MGAM: variants seen among roughly 807,000 people sequenced by gnomAD.
MGAM encodes maltase-glucoamylase.
Under a neutral mutation model 358.8 loss-of-function variants are expected in MGAM, and 253 were observed. That is an observed-to-expected ratio of 0.71 (90% CI 0.64 to 0.78). The LOEUF (loss-of-function observed/expected upper bound fraction) is 0.78. Among genes scored for constraint, MGAM ranks in the 30% least tolerant of loss-of-function variants. MGAM has a pLI of 0.00. For missense variants in MGAM, 3,080 were observed against 3,432.6 expected (o/e 0.90, Z 2.57); for synonymous variants, 1,105 against 1,227.1 (o/e 0.90, Z 2.08).
At chr7:141,998,297 G>T (rs1012257766) in intron 1 of MGAM, among the ~76,000 whole-genome samples, 30 of 152,154 alleles carry the variant, frequency 2.0e-4, no homozygotes, top group Non-Finnish European at 4.1e-4. Flanking sequence ...GTGCAGGTTC[G>T]TTACATGGGT....
Position 142,103,317 on chromosome 7 carries a change from A to G in MGAM, c.8062A>G (p.Asn2688Asp), listed in dbSNP as rs1298258349. ...TTTCAACAATTACATCACTGGTACAAATCCTTTGAAACTGGGCTACATTGA... is the reference window on the plus strand; with the variant it reads ...TTTCAACAATTACATCACTGGTACAGATCCTTTGAAACTGGGCTACATTGA... ...IIFNNYITGT[N>D]PLKLGYIEIW... Residue 2688 changes from asparagine (N) to aspartate (D), a missense_variant, in exon 70 of 71, where the codon AAT becomes GAT. Coordinates refer to ENST00000475668, the MANE Select transcript of MGAM (RefSeq NM_001365693.1). 1 of 1,612,962 alleles carries G rather than the reference A, an allele frequency of 6.2e-7. No individual in the cohort carries two copies. Among genetic ancestry groups the G allele is most frequent in the African/African-American group, 1.3e-5 (1 of 75,016 alleles).
chr7:142,017,500 A>G (rs1466206322), intron 3 of MGAM, among the ~76,000 whole-genome samples: 1 of 152,182 alleles, frequency 6.6e-6, no homozygotes, highest in African/African-American at 2.4e-5. Flanking sequence ...GACTGTTTGC[A>G]TTCCTTGCTC....
intron 44 of MGAM, among the ~76,000 whole-genome samples, chr7:142,071,394 A>C (rs1020234299): frequency 2.0e-5 from 3 of 146,754 alleles, no homozygotes; most frequent in African/African-American, 7.3e-5. Flanking sequence ...AAATAAGAGC[A>C]ACCACAATTC....
intron 65 of MGAM, among the ~76,000 whole-genome samples, chr7:142,097,153 G>A (rs567859435): frequency 1.3e-5 from 2 of 151,914 alleles, no homozygotes; most frequent in South Asian, 4.2e-4. Flanking sequence ...TAGTCAGGAT[G>A]GTCTTGATCT....
intron 57 of MGAM, among the ~76,000 whole-genome samples, chr7:142,087,867 C>A (rs1167290775): frequency 6.8e-6 from 1 of 146,448 alleles, no homozygotes; most frequent in Non-Finnish European, 1.5e-5. Context: ...GGGGCAAAGA[C>A]CTCTTTTGGG....
rs1813284831 is a variant in MGAM, at chr7:142,070,869, G to A, written c.5062-125G>A. On this transcript the variant is annotated intron_variant, in intron 43 of 70. Coordinates refer to ENST00000475668, the MANE Select transcript of MGAM (RefSeq NM_001365693.1). ...GCGAATGCAGAATGGGTAATAGCAG[G>A]TATGTTGCAAAGGGTGATGAACAGG... The A allele has an allele frequency of 1.1e-5, 14 of 1,273,924 alleles. 1 individual carries two copies. The Admixed American group carries it at 2.6e-4, about 23-fold the overall frequency. 78.9% of individuals were successfully genotyped at this position (1,273,924 alleles called of 1,614,324 possible).
intron 2 of MGAM, among the ~76,000 whole-genome samples, chr7:142,006,809 C>A (rs1278986729): frequency 6.6e-6 from 1 of 152,130 alleles, no homozygotes; most frequent in African/African-American, 2.4e-5. Context: ...ATTGAGACAT[C>A]TGTGGTTTTG....
chr7:142,084,311 C>A lies in MGAM; in HGVS notation c.6382-208C>A, dbSNP rs748462454. 4.8e-5 allele frequency among the ~76,000 whole-genome samples: 7 copies of A among 145,952 alleles called. No individual in the cohort carries two copies. The East Asian group carries it at 6.1e-4, about 13-fold the overall frequency. ...GTCTCTAGGAATGGAGTGAAATCAGCTTTTCCATAATTTTTAAGAAGGAGC... is the reference window on the plus strand; with the variant it reads ...GTCTCTAGGAATGGAGTGAAATCAGATTTTCCATAATTTTTAAGAAGGAGC... On this transcript the variant is annotated intron_variant, in intron 53 of 70. Coordinates refer to ENST00000475668, the MANE Select transcript of MGAM (RefSeq NM_001365693.1).
chr7:142,101,383 A>G (rs1292518336), intron 68 of MGAM, among the ~76,000 whole-genome samples: 3 of 151,482 alleles, frequency 2.0e-5, no homozygotes, highest in African/African-American at 7.3e-5. Context: ...TGCAGTGATG[A>G]CAATGTTCTA....
rs1412362518 is a variant in MGAM, at chr7:142,088,731, G to T, written c.6810+2014G>T. 2.2e-5 allele frequency among the ~76,000 whole-genome samples: 2 copies of T among 89,002 alleles called. 1 individual carries two copies. Among genetic ancestry groups the T allele is most frequent in the South Asian group, 7.2e-4 (2 of 2,792 alleles). The allele number at this position is 89,002 out of a possible 152,430, so 58.4% of individuals were successfully genotyped here. A position where few individuals can be genotyped will look rare whatever the true frequency, so the allele number is the denominator to read the frequency against. On this transcript the variant is annotated intron_variant, in intron 57 of 70. Transcript: ENST00000475668. ...CCACCCTATTCATTTATGTCTGTCT[G>T]TCTGTCTGTCTGTCTGTCTATCTAT...
chr7:142,036,921 C>T lies in MGAM; in HGVS notation c.2175C>T (p.Thr725=). Residue 725 remains threonine, a synonymous_variant, in exon 18 of 71, where the codon ACC becomes ACT. Coordinates refer to ENST00000475668, the MANE Select transcript of MGAM (RefSeq NM_001365693.1). ...IRYTLLPYLY[T]LFFRAHSRGD... is the part of the protein sequence containing the mutation. ...ATACTCTATTGCCCTACCTATACACCCTCTTCTTCCGTGCTCACAGCCGAG... is the reference window on the plus strand; with the variant it reads ...ATACTCTATTGCCCTACCTATACACTCTCTTCTTCCGTGCTCACAGCCGAG... 6.2e-7 allele frequency: 1 copy of T among 1,613,736 alleles called. No individual in the cohort carries two copies. The highest frequency in any genetic ancestry group is 8.5e-7 in the Non-Finnish European group (1 of 1,179,676).
intron 3 of MGAM, 150 bp downstream of exon 3, chr7:142,008,855 T>A: frequency 1.2e-6 from 1 of 817,004 alleles, no homozygotes; most frequent in Non-Finnish European, 1.9e-6. Context: ...AATTAACCTG[T>A]GTCCATGCTT....
chr7:142,088,090 G>GTTCA (rs1814921209), intron 57 of MGAM, among the ~76,000 whole-genome samples: 2 of 146,356 alleles, frequency 1.4e-5, no homozygotes, highest in Admixed American at 1.4e-4. Flanking sequence ...GCCAGGGACT[G>GTTCA]AGGCCTGGCA....
At chr7:142,089,915 A>T (rs1815206618) in intron 57 of MGAM, among the ~76,000 whole-genome samples, 1 of 146,660 alleles carries the variant, frequency 6.8e-6, no homozygotes, top group African/African-American at 2.4e-5. Context: ...GAAGCCACTG[A>T]TGTCCAGGTC....
intron 10 of MGAM, among the ~76,000 whole-genome samples, chr7:142,029,701 G>A (rs148246491): frequency 6.6e-5 from 10 of 152,232 alleles, no homozygotes; most frequent in Admixed American, 4.6e-4. Context: ...TACTTTGAAT[G>A]GCTAAGTTTG....
intron 21 of MGAM, among the ~76,000 whole-genome samples, chr7:142,044,700 A>T: frequency 1.1e-5 from 1 of 91,760 alleles, no homozygotes. Context: ...AATGAATATT[A>T]TATACACGTG....
chr7:142,055,530 G>T lies in MGAM; in HGVS notation c.3315-28G>T, dbSNP rs373141663. The T allele has an allele frequency of 3.1e-6, 5 of 1,613,586 alleles. No individual in the cohort carries two copies. The African/African-American group carries it at 6.7e-5, about 22-fold the overall frequency. ...AAACAGAGATAAAAGCTCATTTTCT[G>T]TTTCAAATCTGCGTTTTTGTGTTTC... On this transcript the variant is annotated intron_variant, in intron 27 of 70. Transcript: ENST00000475668.
At chr7:142,034,152 G>T in intron 14 of MGAM, 110 bp from the exon 15 acceptor site, 1 of 682,198 alleles carries the variant, frequency 1.5e-6, no homozygotes, top group Non-Finnish European at 2.6e-6. Flanking sequence ...CTGTTTACAG[G>T]ATGCCCACAA....
chr7:142,045,292 A>G (rs1369112212), intron 21 of MGAM, among the ~76,000 whole-genome samples: 1 of 106,230 alleles, frequency 9.4e-6, no homozygotes, highest in Non-Finnish European at 1.7e-5. Flanking sequence ...TATATGATAT[A>G]TAATATATAT....
Sources: gnomAD v4.1 joint callset for allele counts (sites outside exome capture counted in the v4.1 genomes callset) on GRCh38, gnomAD v4.1.1 for gene constraint, MANE v1.5 for transcripts, NCBI Gene and HGNC (gene_info 2026-07-23, HGNC 2026-07-21) for gene names.